The following SMOC1 variants were observed in gnomAD, a reference collection of about 807,000 sequenced individuals.
The protein encoded by SMOC1 is SPARC related modular calcium binding 1.
Under a neutral mutation model 56.3 loss-of-function variants are expected in SMOC1, and 22 were observed. The observed-to-expected ratio is 0.39, with a 90% CI of 0.28 to 0.56. SMOC1 has a LOEUF of 0.56. SMOC1 is among the 20% of genes least tolerant of loss of function. The pLI is 0.61. For missense variants in SMOC1, 509 were observed against 565.4 expected (o/e 0.90, Z 1.01); for synonymous variants, 193 against 215.0 (o/e 0.90, Z 0.89).
rs202004515 is a variant in SMOC1, at chr14:70,010,776, G to T, written c.687G>T (p.Gln229His). 1 of 1,614,244 alleles carries T rather than the reference G, an allele frequency of 6.2e-7. No individual in the cohort carries two copies. The highest frequency in any genetic ancestry group is 1.3e-5 in the African/African-American group (1 of 75,062). The change falls in exon 8 of 12, where the codon CAG (glutamine) becomes CAT (histidine). Residue 229 changes from glutamine (Q) to histidine (H), a missense_variant. Around this residue, in one of 3 missense-constraint regions of SMOC1, gnomAD observed 315 missense variants for 333.1 expected, o/e 0.95. Coordinates refer to ENST00000361956, the MANE Select transcript of SMOC1 (RefSeq NM_001034852.3). ...RNSEKVYSCD[Q>H]ERQSALEEAQ... ...CAGAGAAAGTCTATTCGTGTGACCA[G>T]GAGAGGCAGAGTGCCCTGGAAGAGG... is the stretch of plus-strand genomic sequence containing the variant.
chr14:69,925,536 C>T (rs748544000), intron 1 of SMOC1, among the ~76,000 whole-genome samples: 61 of 152,112 alleles, frequency 4.0e-4, no homozygotes, highest in Non-Finnish European at 5.9e-4. Context: ...GATTACCACC[C>T]GACATTGTTT....
At chr14:69,936,614 G>A (rs1885301815) in intron 1 of SMOC1, among the ~76,000 whole-genome samples, 1 of 152,258 alleles carries the variant, frequency 6.6e-6, no homozygotes, top group African/African-American at 2.4e-5. Context: ...TTGCCGGCCA[G>A]CGTTGGATGC....
chr14:69,888,223 G>A (rs747330239), intron 1 of SMOC1, among the ~76,000 whole-genome samples: 1 of 152,150 alleles, frequency 6.6e-6, no homozygotes, highest in Admixed American at 6.5e-5. Context: ...TCACTGAGAG[G>A]TTCAGAGATT....
intron 3 of SMOC1, among the ~76,000 whole-genome samples, chr14:69,955,209 G>T (rs1476888334): frequency 6.6e-6 from 1 of 152,136 alleles, no homozygotes; most frequent in Admixed American, 6.5e-5. Context: ...GCCCTCAGAA[G>T]CCCTCCATAC....
chr14:69,932,992 C>T (rs1169051565), intron 1 of SMOC1, among the ~76,000 whole-genome samples: 1 of 152,042 alleles, frequency 6.6e-6, no homozygotes, highest in Non-Finnish European at 1.5e-5. Context: ...CAGACTGCAT[C>T]CTCAGAGGCC....
At chr14:69,900,940 G>C (rs1377630622) in intron 1 of SMOC1, among the ~76,000 whole-genome samples, 1 of 152,202 alleles carries the variant, frequency 6.6e-6, no homozygotes, top group African/African-American at 2.4e-5. Context: ...TTCGAGGACA[G>C]ATTTTTCTTA....
At chr14:69,935,391 C>T (rs1333388533) in intron 1 of SMOC1, among the ~76,000 whole-genome samples, 1 of 152,218 alleles carries the variant, frequency 6.6e-6, no homozygotes, top group East Asian at 1.9e-4. Flanking sequence ...CAAGACCAAA[C>T]ACTCCAGCAC....
At chr14:69,998,617 C>G (rs895638789) in intron 7 of SMOC1, among the ~76,000 whole-genome samples, 1 of 152,170 alleles carries the variant, frequency 6.6e-6, no homozygotes, top group Non-Finnish European at 1.5e-5. Flanking sequence ...CAGGCACTTT[C>G]CTATGGCTCT....
intron 3 of SMOC1, among the ~76,000 whole-genome samples, chr14:69,958,278 G>T (rs977757288): frequency 2.0e-5 from 3 of 151,976 alleles, no homozygotes; most frequent in Admixed American, 6.6e-5. Flanking sequence ...TTTCTAAAAA[G>T]AGAAAAACTA....
intron 1 of SMOC1, among the ~76,000 whole-genome samples, chr14:69,937,219 A>G (rs529335642): frequency 2.6e-5 from 4 of 152,322 alleles, no homozygotes; most frequent in Admixed American, 2.6e-4. Flanking sequence ...ACTGCTTAAC[A>G]GATGGGATCT....
At position 69,919,920 on chromosome 14, in the gene SMOC1, C is replaced by G. The variant is rs571804842; in HGVS notation, c.100-32218C>G. ...CCTATGAACACAAATACCCCCCCCCCCCTTTCTCCCCTGGAGTAGGGATAA... is the reference window on the plus strand; with the variant it reads ...CCTATGAACACAAATACCCCCCCCCGCCTTTCTCCCCTGGAGTAGGGATAA... On this transcript the variant is annotated intron_variant, in intron 1 of 11. Transcript: ENST00000361956. Among the ~76,000 whole-genome samples, 430 of 149,742 alleles carry G rather than the reference C, an allele frequency of 2.9e-3. 3 individuals carry two copies. Among genetic ancestry groups the G allele is most frequent in the Admixed American group, 8.0e-3 (121 of 15,066 alleles).
chr14:70,028,413 C>T (rs1466319947), intron 11 of SMOC1, among the ~76,000 whole-genome samples: 1 of 152,138 alleles, frequency 6.6e-6, no homozygotes, highest in African/African-American at 2.4e-5. Flanking sequence ...TTTGCTTTGC[C>T]GCATGGAAGC....
intron 1 of SMOC1, among the ~76,000 whole-genome samples, chr14:69,880,462 T>C (rs1883606865): frequency 6.6e-6 from 1 of 152,192 alleles, no homozygotes; most frequent in Non-Finnish European, 1.5e-5. Context: ...TTGGAGTTTC[T>C]GAACGACATG....
At chr14:69,958,314 G>A (rs542824419) in intron 3 of SMOC1, among the ~76,000 whole-genome samples, 1 of 152,206 alleles carries the variant, frequency 6.6e-6, no homozygotes, top group African/African-American at 2.4e-5. Flanking sequence ...ACACACATTA[G>A]CCTTAACAAC....
intron 1 of SMOC1, among the ~76,000 whole-genome samples, chr14:69,889,710 C>T (rs1454314920): frequency 6.6e-6 from 1 of 151,300 alleles, no homozygotes; most frequent in Non-Finnish European, 1.5e-5. Flanking sequence ...TCTGACATGG[C>T]TCTTAATGGG....
chr14:69,958,631 G>A (rs1387074928), intron 3 of SMOC1, among the ~76,000 whole-genome samples: 1 of 152,184 alleles, frequency 6.6e-6, no homozygotes, highest in African/African-American at 2.4e-5. Flanking sequence ...GGATAGTCTT[G>A]TAATATGGGT....
chr14:69,969,855 C>T (rs1883697475), intron 3 of SMOC1, among the ~76,000 whole-genome samples: 1 of 152,198 alleles, frequency 6.6e-6, no homozygotes, highest in South Asian at 2.1e-4. Context: ...TTTCTATTCA[C>T]ACCTCACAGA....
chr14:69,904,140 G>A (rs1206231896), intron 1 of SMOC1, among the ~76,000 whole-genome samples: 3 of 152,174 alleles, frequency 2.0e-5, no homozygotes, highest in Non-Finnish European at 4.4e-5. Context: ...TCTTGGGGGT[G>A]GCTCATTATA....
At chr14:70,025,740 G>A (rs1885902434) in intron 11 of SMOC1, among the ~76,000 whole-genome samples, 1 of 152,244 alleles carries the variant, frequency 6.6e-6, no homozygotes, top group Admixed American at 6.5e-5. Flanking sequence ...TGAGCATCAT[G>A]TCAGCACTTA....
Sources: allele counts gnomAD v4.1 joint callset (sites outside exome capture counted in the v4.1 genomes callset), GRCh38; gene constraint gnomAD v4.1.1; regional missense constraint gnomAD v4.1.1; transcripts MANE v1.5; gene names NCBI Gene and HGNC (gene_info 2026-07-23, HGNC 2026-07-21).